Variants in ADCY7 observed in about 807,000 individuals in gnomAD.
ADCY7 encodes the protein adenylate cyclase 7, also known as adenylate cyclase type 7.
Under a neutral mutation model 120.6 loss-of-function variants are expected in ADCY7, and 72 were observed. The ratio of observed to expected loss-of-function variants is 0.60; its 90% CI spans 0.49 to 0.73. The LOEUF (loss-of-function observed/expected upper bound fraction) is 0.73, where lower values mean the gene tolerates loss of function less well. Among genes scored for constraint, ADCY7 ranks in the 30% least tolerant of loss-of-function variants. ADCY7 has a pLI of 0.00. For missense variants in ADCY7, 1,227 were observed against 1,486.0 expected, an observed-to-expected ratio of 0.83 and a Z score of 2.87; for synonymous variants, 661 against 628.0, an observed-to-expected ratio of 1.05 and a Z score of -0.78.
rs752519334 is a variant in ADCY7 at position 50,291,882 on chromosome 16, C to T, written c.522C>T (p.Val174=). Residue 174 remains valine (V), a synonymous_variant, in exon 4 of 26, where the codon GTC becomes GTT. Coordinates refer to ENST00000673801, the MANE Select transcript of ADCY7 (RefSeq NM_001114.5). ...SLMGGFTTPS[V]RVGLQLLANA... ...TGGGAGGCTTCACGACACCCAGTGTCCGGGTGGGGCTGCAGGTGAGGGATG... is the reference window on the plus strand; with the variant it reads ...TGGGAGGCTTCACGACACCCAGTGTTCGGGTGGGGCTGCAGGTGAGGGATG... 6.2e-7 allele frequency: 1 copy of T among 1,611,654 alleles called. No homozygotes were observed. Among genetic ancestry groups the T allele is most frequent in the Non-Finnish European group, 8.5e-7 (1 of 1,178,518 alleles).
chr16:50,274,178 G>C (rs1225735836), intron 1 of ADCY7: 2 of 152,314 alleles, frequency 1.3e-5, no homozygotes, highest in African/African-American at 4.8e-5. Flanking sequence ...GGAAGCTCTA[G>C]AGGCGTTTTT....
chr16:50,247,284 AC>A (rs142448072), intron 1 of ADCY7, among the ~76,000 whole-genome samples: 27,107 of 151,808 alleles, frequency 0.18, 2,602 homozygotes, highest in African/African-American at 0.24. Flanking sequence ...CTATGGGGGG[AC>A]CCCACAGGAG....
In ADCY7 at chr16:50,291,869, C is replaced by A. The variant is rs150887897; in HGVS notation, c.509C>A (p.Thr170Lys). ...LVLGSLMGGF[T>K]TPSVRVGLQL... The stretch of plus-strand genomic sequence containing the variant: ...CTCGGTTCTTTGATGGGAGGCTTCA[C>A]GACACCCAGTGTCCGGGTGGGGCTG... The change falls in exon 4 of 26, where the codon ACG becomes AAG. Residue 170 changes from threonine to lysine, a missense_variant. Around this residue, in one of 5 missense-constraint regions of ADCY7, gnomAD observed 382 missense variants for 411.4 expected, o/e 0.93. Transcript: ENST00000673801. 3.1e-6 allele frequency: 5 copies of A among 1,613,184 alleles called. No individual in the cohort carries two copies. The East Asian group carries it at 6.7e-5, about 22-fold the overall frequency.
At chr16:50,288,921 C>A (rs996488851) in intron 2 of ADCY7, among the ~76,000 whole-genome samples, 1 of 152,144 alleles carries the variant, frequency 6.6e-6, no homozygotes, top group African/African-American at 2.4e-5. Context: ...GCTTATCCTC[C>A]TGAGTAGCTG....
chr16:50,249,758 G>C (rs2032698970), intron 1 of ADCY7, among the ~76,000 whole-genome samples: 1 of 152,232 alleles, frequency 6.6e-6, no homozygotes, highest in East Asian at 1.9e-4. Flanking sequence ...GGGCCCTGCT[G>C]GGGGAGGTGG....
chr16:50,300,681 G>T (rs1297127323), intron 8 of ADCY7, 34 bp from the exon 9 acceptor site: 2 of 1,549,216 alleles, frequency 1.3e-6, no homozygotes, highest in Non-Finnish European at 1.7e-6. Flanking sequence ...CAGGGCTTAG[G>T]CAGGGCTGGG....
At chr16:50,308,599 G>A (rs1383139886) in intron 16 of ADCY7, 68 bp from the exon 17 acceptor site, 4 of 1,565,254 alleles carry the variant, frequency 2.6e-6, no homozygotes, top group South Asian at 1.2e-5. Flanking sequence ...CCCTCCCCAG[G>A]CTGCCAGCGA....
chr16:50,286,439 A>C (rs1031778495), intron 1 of ADCY7, among the ~76,000 whole-genome samples: 2 of 150,700 alleles, frequency 1.3e-5, no homozygotes, highest in African/African-American at 4.9e-5. Context: ...CAAAAAAAAA[A>C]AAAAAAAGAG....
chr16:50,280,106 T>C (rs1427969265), intron 1 of ADCY7, among the ~76,000 whole-genome samples: 2 of 152,144 alleles, frequency 1.3e-5, no homozygotes, highest in African/African-American at 4.8e-5. Flanking sequence ...TATTACTAAT[T>C]CAATTTAGGA....
intron 10 of ADCY7, chr16:50,301,587 T>G: frequency 4.7e-6 from 1 of 212,484 alleles, no homozygotes; most frequent in Non-Finnish European, 9.6e-6. Flanking sequence ...AAAACAAGCT[T>G]TGGATGAAAC....
At chr16:50,260,444 A>T (rs1362747966) in intron 1 of ADCY7, among the ~76,000 whole-genome samples, 1 of 152,206 alleles carries the variant, frequency 6.6e-6, no homozygotes, top group Non-Finnish European at 1.5e-5. Flanking sequence ...CAGGGGCTCA[A>T]ATGGTATCAT....
At chr16:50,313,464 G>A (rs2036602732) in intron 22 of ADCY7, 1 of 187,246 alleles carries the variant, frequency 5.3e-6, no homozygotes, top group South Asian at 1.2e-4. Flanking sequence ...CCCGCCTGGG[G>A]GGAACATACA....
At chr16:50,290,694 C>A (rs2034894804) in intron 3 of ADCY7, 34 bp downstream of exon 3, 3 of 1,591,328 alleles carry the variant, frequency 1.9e-6, no homozygotes, top group Non-Finnish European at 1.7e-6. Flanking sequence ...GCCAGCTGCG[C>A]CTTCAGCAGC....
Position 50,307,162 on chromosome 16 carries a change from G to T in ADCY7, c.1850+15G>T. On this transcript the variant is annotated intron_variant, in intron 15 of 25. Coordinates refer to ENST00000673801, the MANE Select transcript of ADCY7 (RefSeq NM_001114.5). ...CTCATGCCCAGGTCAGTTGCAGGGA[G>T]GGGTGTGGGGGTCCGGCCTGCTGGG... 6.2e-7 allele frequency: 1 copy of T among 1,607,206 alleles called. No homozygotes were observed.
intron 1 of ADCY7, among the ~76,000 whole-genome samples, chr16:50,249,359 G>T (rs112129228): frequency 0.12 from 17,667 of 152,180 alleles, 1,264 homozygotes; most frequent in Admixed American, 0.19. Flanking sequence ...AGAATTGCTT[G>T]AACTCAGGAG....
chr16:50,314,822 G>A lies in ADCY7; in HGVS notation c.2972-192G>A, dbSNP rs75394472. 1.1e-3 allele frequency: 673 copies of A among 639,262 alleles called. 7 individuals carry two copies. In the African/African-American group the frequency reaches 0.011, roughly 11 times the overall value. The allele number at this position is 639,262 out of a possible 1,614,324, so 39.6% of individuals were successfully genotyped here. On this transcript the variant is annotated intron_variant, in intron 24 of 25. Transcript: ENST00000673801. ...CCCAGACTTCTGAGTCTGAAAAAGA[G>A]CTGGCCGGGGAATGCCCTCCTCATA...
Position 50,308,741 on chromosome 16 carries a change from C to G in ADCY7, c.2010C>G (p.Thr670=). 7.4e-6 allele frequency: 12 copies of G among 1,613,390 alleles called. No individual in the cohort carries two copies. The highest frequency in any genetic ancestry group is 1.0e-5 in the Non-Finnish European group (12 of 1,179,962). The part of the protein sequence containing the change: ...RVETQPLLRL[T]LAVLTIGSLL... ...AGACACAGCCCCTGCTGAGGCTGAC[C>G]CTGGCCGTCCTGACCATCGGCAGCC... Residue 670 remains threonine (T), a synonymous_variant, in exon 17 of 26, where the codon ACC becomes ACG. Transcript: ENST00000673801.
chr16:50,275,193 A>C (rs1478606597), intron 1 of ADCY7, among the ~76,000 whole-genome samples: 1 of 152,008 alleles, frequency 6.6e-6, no homozygotes, highest in East Asian at 1.9e-4. Context: ...CTCTCCTCTC[A>C]CCTCCACCTG....
chr16:50,300,719 G>A lies in ADCY7; in HGVS notation c.1081G>A (p.Val361Met), dbSNP rs1359489085. The A allele has an allele frequency of 6.4e-7, 1 of 1,551,696 alleles. No homozygotes were observed. Among genetic ancestry groups the A allele is most frequent in the Middle Eastern group, 1.7e-4 (1 of 5,994 alleles). ...GLDMCQAIKQ[V>M]REATGVDINM... ...GACTGGGCCACTCTGCCCCAGGCAG[G>A]TGCGGGAGGCCACGGGCGTGGACAT... Residue 361 changes from valine (V) to methionine (M), a missense_variant, in exon 9 of 26, where the codon GTG (valine) becomes ATG (methionine). Coordinates refer to ENST00000673801, the MANE Select transcript of ADCY7 (RefSeq NM_001114.5).
Sources: allele counts gnomAD v4.1 joint callset (sites outside exome capture counted in the v4.1 genomes callset), GRCh38; gene constraint gnomAD v4.1.1; regional missense constraint gnomAD v4.1.1; transcripts MANE v1.5; gene names NCBI Gene and HGNC (gene_info 2026-07-23, HGNC 2026-07-21).